SLC16A1: variants seen among roughly 807,000 people sequenced by gnomAD.
The protein encoded by SLC16A1 is monocarboxylate transporter 1.
In SLC16A1, 11 loss-of-function variants were observed where a neutral mutation model predicts 32.2. That is an observed-to-expected ratio of 0.34 (90% confidence interval 0.21 to 0.56). The LOEUF is 0.56. Ranked by LOEUF, SLC16A1 falls within the 20% of genes least tolerant of loss-of-function variation. SLC16A1 has a pLI of 0.87. For missense variants in SLC16A1, 435 were observed against 615.0 expected, an observed-to-expected ratio of 0.71 and a Z score of 3.10; for synonymous variants, 231 against 226.8, an observed-to-expected ratio of 1.02 and a Z score of -0.17.
chr1:112,945,865 G>A (rs1384278884), intron 1 of SLC16A1, among the ~76,000 whole-genome samples: 1 of 151,802 alleles, frequency 6.6e-6, no homozygotes. Flanking sequence ...GGTGGCGCAC[G>A]CCTGTAATCT....
Position 112,914,073 on chromosome 1 carries a change from T to C in SLC16A1, c.1321A>G (p.Met441Val), listed in dbSNP as rs1417247426. 2 of 1,614,114 alleles carry C rather than the reference T, an allele frequency of 1.2e-6. No homozygotes were observed. Among genetic ancestry groups the C allele is most frequent in the Non-Finnish European group, 1.7e-6 (2 of 1,180,056 alleles). ...GCCAAAAGTCGATAATTGATGCCCA[T>C]GCCAATGAAGAGATAGATACCTGAA... ...IISGIYLFIG[M>V]GINYRLLAKE... The change falls in exon 5 of 5, where the codon ATG (methionine) becomes GTG (valine). Residue 441 changes from methionine (M) to valine (V), a missense_variant. This residue lies in a region of SLC16A1 where 111 missense variants were observed against 114.7 expected (regional missense o/e 0.97). Transcript: ENST00000369626.
chr1:112,951,770 T>C (rs1341304899), intron 1 of SLC16A1, among the ~76,000 whole-genome samples: 2 of 152,180 alleles, frequency 1.3e-5, no homozygotes, highest in African/African-American at 2.4e-5. Flanking sequence ...TAAGAGGATA[T>C]ACCTCAATAC....
Position 112,922,016 on chromosome 1 carries a change from A to G in SLC16A1, c.335T>C (p.Leu112Pro). The change falls in exon 3 of 5, where the codon CTA (leucine) becomes CCA (proline). Residue 112 changes from leucine (L) to proline (P), a missense_variant. By Grantham distance (98) the Leu-to-Pro change is moderately conservative. This residue lies in a region of SLC16A1 where 324 missense variants were observed against 500.3 expected (regional missense o/e 0.65). Transcript: ENST00000369626. The part of the protein sequence containing the change: ...AASFCNTVQQ[L>P]YVCIGVIGGL... ...TCCAATGACTCCAATACAGACGTAT[A>G]GTTGCTGTACGGTGTTACAGAAAGA... The G allele has an allele frequency of 6.2e-7, 1 of 1,614,206 alleles. No homozygotes were observed.
chr1:112,930,899 A>C (rs1033223391), intron 1 of SLC16A1, among the ~76,000 whole-genome samples: 2 of 152,104 alleles, frequency 1.3e-5, no homozygotes, highest in African/African-American at 4.8e-5. Context: ...TTGTATTTTT[A>C]GTAGAGACGG....
intron 2 of SLC16A1, chr1:112,923,547 A>G: frequency 8.3e-7 from 1 of 1,204,512 alleles, no homozygotes; most frequent in Non-Finnish European, 1.2e-6. Flanking sequence ...CCAGTCCAAG[A>G]CCATCCTGGG....
chr1:112,931,400 C>A (rs926494989), intron 1 of SLC16A1, among the ~76,000 whole-genome samples: 20 of 152,154 alleles, frequency 1.3e-4, no homozygotes, highest in Middle Eastern at 3.4e-3. Context: ...AATCCCAGCA[C>A]TCTGGGAGGC....
At chr1:112,925,445 T>C (rs570899816) in intron 2 of SLC16A1, among the ~76,000 whole-genome samples, 3 of 152,040 alleles carry the variant, frequency 2.0e-5, no homozygotes, top group Non-Finnish European at 4.4e-5. Flanking sequence ...AGTGGTACTA[T>C]CAGGGTTCAC....
chr1:112,937,661 T>TCTTG (rs1649351465), intron 1 of SLC16A1, among the ~76,000 whole-genome samples: 1 of 152,196 alleles, frequency 6.6e-6, no homozygotes, highest in African/African-American at 2.4e-5. Context: ...TGCAGAGTAC[T>TCTTG]CAGAGTTCCC....
At chr1:112,938,341 G>C (rs1436239619) in intron 1 of SLC16A1, among the ~76,000 whole-genome samples, 1 of 152,160 alleles carries the variant, frequency 6.6e-6, no homozygotes, top group Non-Finnish European at 1.5e-5. Flanking sequence ...GCAGCTTCAT[G>C]GTTTACAGAA....
intron 4 of SLC16A1, among the ~76,000 whole-genome samples, chr1:112,916,303 G>C (rs575486867): frequency 4.5e-4 from 67 of 150,542 alleles, no homozygotes; most frequent in African/African-American, 1.6e-3. Context: ...AGTTCAAGAC[G>C]AGCCTGGCCA....
chr1:112,918,816 C>T (rs769300922), intron 3 of SLC16A1, among the ~76,000 whole-genome samples: 1 of 151,926 alleles, frequency 6.6e-6, no homozygotes, highest in African/African-American at 2.4e-5. Context: ...AACCCAAAAA[C>T]GAAAGAAATA....
chr1:112,920,537 C>T (rs1291885210), intron 3 of SLC16A1, among the ~76,000 whole-genome samples: 7 of 151,932 alleles, frequency 4.6e-5, no homozygotes, highest in African/African-American at 1.7e-4. Context: ...ACCCAGGAGG[C>T]GGAGATTGCA....
rs752634628 is a variant in SLC16A1, at chr1:112,948,917, G to A, written c.-45+7118C>T. Among the ~76,000 whole-genome samples the A allele has an allele frequency of 7.9e-5, 12 of 152,232 alleles. No homozygotes were observed. The South Asian group carries it at 8.3e-4, about 11-fold the overall frequency. ...GTGATCTCCGTTCACTGCAAGCTCC[G>A]CCTCCCGGGTTCACGCCTTTCTCCC... On this transcript the variant is annotated intron_variant, in intron 1 of 4. Coordinates refer to ENST00000369626, the MANE Select transcript of SLC16A1 (RefSeq NM_003051.4).
In SLC16A1 at chr1:112,955,007, T is replaced by A. The variant is rs12031658; in HGVS notation, c.-45+1028A>T. Among the ~76,000 whole-genome samples, 194 of 152,022 alleles carry A rather than the reference T, an allele frequency of 1.3e-3. 3 individuals are homozygous for A. In the East Asian group the frequency reaches 0.029, roughly 23 times the overall value. ...ACCAGAGTAATTTTTGAAAAAAAAA[T>A]TCAAAACAAGTTATAGTAAGTTACA... is the stretch of plus-strand genomic sequence containing the variant. On this transcript the variant is annotated intron_variant, in intron 1 of 4. Coordinates refer to ENST00000369626, the MANE Select transcript of SLC16A1 (RefSeq NM_003051.4).
rs1648343027 is a variant in SLC16A1, at chr1:112,912,169, TG to T, written c.*1721del. ...ATGGTTTTAAAATTCCCCTCCTCCT[TG>T]CCTTACAGCAAAGAAGAGGAAAGGA... On this transcript the variant is annotated 3_prime_UTR_variant, in exon 5 of 5. Coordinates refer to ENST00000369626, the MANE Select transcript of SLC16A1 (RefSeq NM_003051.4). 6.6e-6 allele frequency: 1 copy of T among 152,246 alleles called. No individual in the cohort carries two copies. The highest frequency in any genetic ancestry group is 1.5e-5 in the Non-Finnish European group (1 of 68,038). 9.4% of individuals were successfully genotyped at this position (152,246 alleles called of 1,614,324 possible). A position where few individuals can be genotyped will look rare whatever the true frequency, so the allele number is the denominator to read the frequency against.
At chr1:112,918,331 T>C (rs1648593174) in intron 3 of SLC16A1, among the ~76,000 whole-genome samples, 2 of 152,330 alleles carry the variant, frequency 1.3e-5, no homozygotes, top group East Asian at 3.9e-4. Context: ...GTTAAGCACT[T>C]AGTACCCAGT....
intron 4 of SLC16A1, among the ~76,000 whole-genome samples, chr1:112,915,104 C>G (rs1648455189): frequency 6.6e-6 from 1 of 152,132 alleles, no homozygotes; most frequent in Admixed American, 6.5e-5. Context: ...ATTTATTGAG[C>G]CTTTATCATA....
intron 1 of SLC16A1, among the ~76,000 whole-genome samples, chr1:112,947,799 TA>T (rs1232334671): frequency 6.6e-6 from 1 of 152,214 alleles, no homozygotes; most frequent in Non-Finnish European, 1.5e-5. Flanking sequence ...AATAAAGATC[TA>T]AGTTGTTTTG....
intron 1 of SLC16A1, among the ~76,000 whole-genome samples, chr1:112,939,764 C>T (rs1236613723): frequency 2.0e-5 from 3 of 152,214 alleles, no homozygotes; most frequent in Middle Eastern, 6.8e-3. Flanking sequence ...CTCGGTCTCC[C>T]AAAGTATTGG....
Sources: allele counts gnomAD v4.1 joint callset (sites outside exome capture counted in the v4.1 genomes callset), GRCh38; gene constraint gnomAD v4.1.1; regional missense constraint gnomAD v4.1.1; transcripts MANE v1.5; gene names NCBI Gene and HGNC (gene_info 2026-07-23, HGNC 2026-07-21).